RGL1: variants seen among roughly 807,000 people sequenced by gnomAD.
The protein encoded by RGL1 is ral guanine nucleotide dissociation stimulator like 1.
Under a neutral mutation model 95.2 loss-of-function variants are expected in RGL1, and 24 were observed. The observed-to-expected ratio is 0.25, with a 90% CI of 0.18 to 0.35. The LOEUF (loss-of-function observed/expected upper bound fraction) is 0.35. Among genes scored for constraint, RGL1 ranks in the 10% least tolerant of loss-of-function variants. The probability of loss-of-function intolerance (pLI) is 1.00; values close to 1 mark genes in which losing one functional copy is unlikely to be tolerated. For synonymous variants in RGL1, 329 were observed against 344.9 expected (o/e 0.95, Z 0.51); for missense variants, 715 against 936.3 (o/e 0.76, Z 3.08).
intron 2 of RGL1, among the ~76,000 whole-genome samples, chr1:183,842,840 A>C (rs909369688): frequency 2.0e-5 from 3 of 152,234 alleles, no homozygotes; most frequent in Non-Finnish European, 2.9e-5. Flanking sequence ...AATATAAGCA[A>C]AAACAGGTCC....
intron 1 of RGL1, among the ~76,000 whole-genome samples, chr1:183,697,802 A>C (rs534663953): frequency 6.6e-6 from 1 of 152,360 alleles, no homozygotes; most frequent in Non-Finnish European, 1.5e-5. Context: ...CTAATTGAGT[A>C]TATTGAAAAT....
At chr1:183,711,827 G>C (rs1655292417) in intron 1 of RGL1, among the ~76,000 whole-genome samples, 2 of 152,184 alleles carry the variant, frequency 1.3e-5, no homozygotes, top group South Asian at 4.1e-4. Flanking sequence ...GACATTCACA[G>C]TTAACACCTC....
intron 2 of RGL1, among the ~76,000 whole-genome samples, chr1:183,761,451 T>C (rs1402185517): frequency 6.6e-6 from 1 of 152,240 alleles, no homozygotes; most frequent in Non-Finnish European, 1.5e-5. Context: ...TATCTTTTTT[T>C]CTAAGCAGTA....
At position 183,880,529 on chromosome 1, in the gene RGL1, G is replaced by T. The variant is rs527748451; in HGVS notation, c.426-87G>T. The T allele has an allele frequency of 6.7e-6, 8 of 1,201,140 alleles. No homozygotes were observed. The East Asian group carries it at 1.7e-4, about 25-fold the overall frequency. The allele number at this position is 1,201,140 out of a possible 1,614,324, so 74.4% of individuals were successfully genotyped here. On this transcript the variant is annotated intron_variant, in intron 4 of 17. Transcript: ENST00000360851. ...ACCACCCACCCAAGTTTCCAGGGGT[G>T]CCCCTGGGGTCCACCCTGGTGTCCA...
rs767177621 is a variant in RGL1, at chr1:183,904,896, A to G, written c.1397A>G (p.Asn466Ser). ...AQIKLLQSAC[N>S]SYCMTPDQKF... is the part of the protein sequence containing the mutation. ...ATAAAGCTCTTACAGTCTGCCTGCAACAGCTATTGCATGACCCCAGACCAA... is the reference window on the plus strand; with the variant it reads ...ATAAAGCTCTTACAGTCTGCCTGCAGCAGCTATTGCATGACCCCAGACCAA... Residue 466 changes from asparagine to serine, a missense_variant, in exon 13 of 18, where the codon AAC (asparagine) becomes AGC (serine). Transcript: ENST00000360851. 1.2e-6 allele frequency: 2 copies of G among 1,613,964 alleles called. No homozygotes were observed. Among genetic ancestry groups the G allele is most frequent in the South Asian group, 1.1e-5 (1 of 91,068 alleles).
At chr1:183,768,691 C>G (rs539992339) in intron 2 of RGL1, among the ~76,000 whole-genome samples, 4 of 152,232 alleles carry the variant, frequency 2.6e-5, no homozygotes, top group South Asian at 4.2e-4. Flanking sequence ...AGGCTGGTCT[C>G]AAACCCATGG....
chr1:183,872,450 C>T (rs191327343), intron 4 of RGL1, among the ~76,000 whole-genome samples: 3 of 152,298 alleles, frequency 2.0e-5, no homozygotes, highest in Admixed American at 6.5e-5. Context: ...TCATCAGTTT[C>T]CTTCTGGAGT....
At chr1:183,796,041 A>G (rs1378116658) in intron 2 of RGL1, among the ~76,000 whole-genome samples, 1 of 152,132 alleles carries the variant, frequency 6.6e-6, no homozygotes, top group Non-Finnish European at 1.5e-5. Context: ...TCTAGAGTTT[A>G]GTATCTAGTG....
At chr1:183,655,587 A>G (rs936384444) in intron 1 of RGL1, among the ~76,000 whole-genome samples, 2 of 152,214 alleles carry the variant, frequency 1.3e-5, no homozygotes, top group South Asian at 2.1e-4. Context: ...TAAGAAAAGC[A>G]CTGGAGTTGA....
At chr1:183,822,374 A>G (rs941148119) in intron 2 of RGL1, among the ~76,000 whole-genome samples, 1 of 152,062 alleles carries the variant, frequency 6.6e-6, no homozygotes, top group Non-Finnish European at 1.5e-5. Context: ...AAACTTGTAG[A>G]CTTAGATAGC....
chr1:183,832,180 G>A (rs1350214749), intron 2 of RGL1, among the ~76,000 whole-genome samples: 1 of 152,182 alleles, frequency 6.6e-6, no homozygotes. Context: ...AGGCAATGAG[G>A]CTGAGGAATG....
rs139768338 is a variant in RGL1, at chr1:183,650,658, G to A, written c.-33+14157G>A. Among the ~76,000 whole-genome samples the A allele has an allele frequency of 6.6e-5, 10 of 151,002 alleles. No homozygotes were observed. The East Asian group carries it at 1.9e-3, about 29-fold the overall frequency. ...ATAACACTTTGATAAATATTTCTGT[G>A]AGAAATTATCTATTGCATATATTAT... On this transcript the variant is annotated intron_variant, in intron 1 of 18. Transcript: ENST00000304685.
At chr1:183,905,682 T>C (rs539224491) in intron 13 of RGL1, among the ~76,000 whole-genome samples, 1 of 152,308 alleles carries the variant, frequency 6.6e-6, no homozygotes, top group South Asian at 2.1e-4. Context: ...TAGAAAGGCA[T>C]GTTCACTTGA....
chr1:183,645,283 A>G (rs1187301924), intron 1 of RGL1, among the ~76,000 whole-genome samples: 2 of 152,192 alleles, frequency 1.3e-5, no homozygotes. Flanking sequence ...AGGTTTGTTA[A>G]TCCAAACCTG....
At chr1:183,669,257 C>G (rs1350913208) in intron 1 of RGL1, among the ~76,000 whole-genome samples, 3 of 152,150 alleles carry the variant, frequency 2.0e-5, no homozygotes, top group African/African-American at 7.2e-5. Context: ...CTTGGAGATT[C>G]TTTCTTCATC....
chr1:183,786,465 A>C (rs10911437), intron 2 of RGL1, among the ~76,000 whole-genome samples: 3,745 of 152,306 alleles, frequency 0.025, 68 homozygotes, highest in South Asian at 0.047. Flanking sequence ...AGATTTTTAA[A>C]ATATTTTGGA....
At chr1:183,806,862 T>C (rs542475578) in intron 2 of RGL1, among the ~76,000 whole-genome samples, 1 of 152,270 alleles carries the variant, frequency 6.6e-6, no homozygotes, top group Admixed American at 6.5e-5. Flanking sequence ...CCTCCCCCAA[T>C]TGATGCTGTC....
At chr1:183,760,840 T>G (rs1196625107) in intron 2 of RGL1, among the ~76,000 whole-genome samples, 1 of 152,222 alleles carries the variant, frequency 6.6e-6, no homozygotes, top group Non-Finnish European at 1.5e-5. Context: ...AATCCTTTGT[T>G]GTCATTTCAC....
At chr1:183,665,085 A>G (rs1651939155) in intron 1 of RGL1, among the ~76,000 whole-genome samples, 1 of 152,088 alleles carries the variant, frequency 6.6e-6, no homozygotes, top group South Asian at 2.1e-4. Flanking sequence ...TGTATTTAAA[A>G]TCATTAATGG....
Sources: allele counts gnomAD v4.1 joint callset (sites outside exome capture counted in the v4.1 genomes callset), GRCh38; gene constraint gnomAD v4.1.1; transcripts MANE v1.5; gene names NCBI Gene and HGNC (gene_info 2026-07-23, HGNC 2026-07-21).